Variants in CNTNAP2 observed in about 807,000 individuals in gnomAD.
The protein encoded by CNTNAP2 is contactin associated protein 2.
CNTNAP2 carries 98 observed loss-of-function variants against 155.2 expected under a neutral mutation model. The observed-to-expected ratio is 0.63, with a 90% CI of 0.54 to 0.75. CNTNAP2 has a LOEUF of 0.75. CNTNAP2 is among the 30% of genes least tolerant of loss of function. CNTNAP2 has a pLI of 0.00. For missense variants in CNTNAP2, 1,727 were observed against 1,688.1 expected (o/e 1.02, Z -0.40); for synonymous variants, 651 against 631.2 (o/e 1.03, Z -0.47).
intron 10 of CNTNAP2, among the ~76,000 whole-genome samples, chr7:147,396,197 A>ATG (rs1796813887): frequency 7.3e-6 from 1 of 136,566 alleles, no homozygotes; most frequent in African/African-American, 2.8e-5. Flanking sequence ...ATATATATAT[A>ATG]TGTGATAAAA....
At chr7:146,929,116 G>A in intron 3 of CNTNAP2, among the ~76,000 whole-genome samples, 1 of 152,346 alleles carries the variant, frequency 6.6e-6, no homozygotes, top group Non-Finnish European at 1.5e-5. Context: ...GGAGATTTGA[G>A]AATGGGCAGA....
intron 19 of CNTNAP2, among the ~76,000 whole-genome samples, chr7:148,219,025 C>T (rs1464157839): frequency 6.9e-6 from 1 of 145,848 alleles, no homozygotes; most frequent in Non-Finnish European, 1.5e-5. Flanking sequence ...TCACTGCAAC[C>T]TCCGCCCCTC....
chr7:147,251,316 G>C (rs1162330213), intron 8 of CNTNAP2, among the ~76,000 whole-genome samples: 1 of 152,170 alleles, frequency 6.6e-6, no homozygotes, highest in South Asian at 2.1e-4. Context: ...CCTGGATCAG[G>C]ACGAGGCATT....
At chr7:147,198,635 A>G (rs1304206863) in intron 8 of CNTNAP2, among the ~76,000 whole-genome samples, 1 of 152,208 alleles carries the variant, frequency 6.6e-6, no homozygotes, top group Non-Finnish European at 1.5e-5. Flanking sequence ...GTTGTTTACC[A>G]AACGAACTTT....
chr7:147,056,873 C>T (rs1713742930), intron 4 of CNTNAP2, among the ~76,000 whole-genome samples: 2 of 152,156 alleles, frequency 1.3e-5, no homozygotes, highest in African/African-American at 4.8e-5. Flanking sequence ...TGGGCTTAAG[C>T]AATCCTCCTG....
intron 1 of CNTNAP2, among the ~76,000 whole-genome samples, chr7:146,695,616 G>A (rs987573242): frequency 6.6e-6 from 1 of 151,816 alleles, no homozygotes; most frequent in Non-Finnish European, 1.5e-5. Context: ...TTGTAGAGAA[G>A]GGGTTTCCTC....
Position 146,256,113 on chromosome 7 carries a change from T to C in CNTNAP2, c.97+139140T>C, listed in dbSNP as rs575873458. 1.1e-4 allele frequency among the ~76,000 whole-genome samples: 16 copies of C among 152,316 alleles called. No individual in the cohort carries two copies. The South Asian group carries it at 3.3e-3, about 32-fold the overall frequency. ...AAGGAATTCATGCATGCATAAAGTG[T>C]GTTGGGGCAAACCCTACTGGAAGCT... On this transcript the variant is annotated intron_variant, in intron 1 of 23. Transcript: ENST00000361727.
At chr7:147,775,269 A>T (rs1481121867) in intron 13 of CNTNAP2, among the ~76,000 whole-genome samples, 3 of 101,808 alleles carry the variant, frequency 2.9e-5, no homozygotes, top group Non-Finnish European at 5.7e-5. Context: ...AAATATATTT[A>T]TATATATATT....
At chr7:146,265,140 A>G (rs1289744188) in intron 1 of CNTNAP2, among the ~76,000 whole-genome samples, 1 of 152,254 alleles carries the variant, frequency 6.6e-6, no homozygotes, top group Non-Finnish European at 1.5e-5. Flanking sequence ...GTGTCTGTGT[A>G]TAACGCTCGT....
At chr7:146,651,618 G>T (rs1044626660) in intron 1 of CNTNAP2, among the ~76,000 whole-genome samples, 6 of 152,078 alleles carry the variant, frequency 3.9e-5, no homozygotes, top group Admixed American at 2.6e-4. Flanking sequence ...TATATTATGA[G>T]ATAGAAACTG....
chr7:148,250,396 T>A (rs1796342491), intron 20 of CNTNAP2, among the ~76,000 whole-genome samples: 1 of 152,206 alleles, frequency 6.6e-6, no homozygotes, highest in African/African-American at 2.4e-5. Flanking sequence ...GGGTTAGGAT[T>A]TGGGGCTTTT....
At chr7:146,484,609 A>G (rs894467531) in intron 1 of CNTNAP2, among the ~76,000 whole-genome samples, 8 of 152,316 alleles carry the variant, frequency 5.3e-5, no homozygotes, top group African/African-American at 1.9e-4. Flanking sequence ...TACTAAAACA[A>G]AAATCTCTGA....
chr7:146,799,596 A>G (rs758186520), intron 2 of CNTNAP2, among the ~76,000 whole-genome samples: 1 of 152,234 alleles, frequency 6.6e-6, no homozygotes, highest in Non-Finnish European at 1.5e-5. Context: ...GTCATTTTCA[A>G]GCATATCAAA....
At chr7:147,199,070 T>G (rs939182405) in intron 8 of CNTNAP2, among the ~76,000 whole-genome samples, 2 of 149,830 alleles carry the variant, frequency 1.3e-5, no homozygotes, top group African/African-American at 2.5e-5. Flanking sequence ...CAAGCAATTC[T>G]CCTGTCTCAG....
At chr7:148,054,888 T>C (rs532260981) in intron 15 of CNTNAP2, among the ~76,000 whole-genome samples, 15 of 151,166 alleles carry the variant, frequency 9.9e-5, no homozygotes, top group Non-Finnish European at 1.9e-4. Context: ...AATCTTTTTT[T>C]TTTTTTTTTT....
intron 1 of CNTNAP2, among the ~76,000 whole-genome samples, chr7:146,249,494 GACTC>G (rs1434601694): frequency 2.0e-5 from 3 of 152,132 alleles, no homozygotes; most frequent in African/African-American, 7.2e-5. Context: ...GAACTTATCT[GACTC>G]ACTCACTTCT....
chr7:146,952,229 C>A (rs1211271729), intron 3 of CNTNAP2, among the ~76,000 whole-genome samples: 1 of 152,040 alleles, frequency 6.6e-6, no homozygotes, highest in Non-Finnish European at 1.5e-5. Context: ...AATTTAACAC[C>A]TCTTCATGCT....
intron 6 of CNTNAP2, among the ~76,000 whole-genome samples, chr7:147,125,495 T>C (rs1192241550): frequency 6.6e-6 from 1 of 152,156 alleles, no homozygotes; most frequent in African/African-American, 2.4e-5. Flanking sequence ...GCGTAGTCAA[T>C]AAAAACCAAA....
chr7:147,480,513 G>A (rs538582311), intron 10 of CNTNAP2, among the ~76,000 whole-genome samples: 6 of 152,300 alleles, frequency 3.9e-5, no homozygotes, highest in African/African-American at 1.4e-4. Context: ...TATAGTCAGT[G>A]ATCACTTTCT....
Sources: allele counts gnomAD v4.1 joint callset (sites outside exome capture counted in the v4.1 genomes callset), GRCh38; gene constraint gnomAD v4.1.1; transcripts MANE v1.5; gene names NCBI Gene and HGNC (gene_info 2026-07-23, HGNC 2026-07-21).